Variants in SH2B3 observed in about 807,000 individuals in gnomAD.
SH2B3 encodes the protein SH2B adapter protein 3.
In SH2B3, 43 loss-of-function variants were observed where a neutral mutation model predicts 51.9. That is an observed-to-expected ratio of 0.83 (90% CI 0.65 to 1.07). SH2B3 has a LOEUF of 1.07. Ranked by LOEUF, SH2B3 falls within the 50% of genes least tolerant of loss-of-function variation. The pLI is 0.00. For missense variants in SH2B3, 952 were observed against 834.3 expected (o/e 1.14, Z -1.74); for synonymous variants, 396 against 376.0 (o/e 1.05, Z -0.62).
intron 6 of SH2B3, 42 bp from the exon 7 acceptor site, chr12:111,447,614 C>T: frequency 6.2e-7 from 1 of 1,610,100 alleles, no homozygotes; most frequent in African/African-American, 1.3e-5. Flanking sequence ...AGTTCAGGGT[C>T]CTAGAGGGAC....
chr12:111,406,767 T>A lies in SH2B3; in HGVS notation c.-28+490T>A, dbSNP rs1467617040. Among the ~76,000 whole-genome samples, 1 of 151,994 alleles carries A rather than the reference T, an allele frequency of 6.6e-6. No homozygotes were observed. The highest frequency in any genetic ancestry group is 2.4e-5 in the African/African-American group (1 of 41,376). ...ATTCCGGGCCATGTGGCTAAGAGGG[T>A]AGCGCCCTGATTCAGGAAGCCCCTC... On this transcript the variant is annotated intron_variant, in intron 1 of 7. Transcript: ENST00000341259. This position sits in a 1 kb window ranked among gnomAD's most constrained non-coding sequence, Gnocchi z 5.7.
In SH2B3 at chr12:111,447,232, A is replaced by G. The variant is rs1874079694; in HGVS notation, c.1021+13A>G. ...TCCCTTAACCAAGGTGGGTAAACCA[A>G]TAGCTAGGCCATTGTCTTCTGGGTA... On this transcript the variant is annotated intron_variant, in intron 5 of 7. Coordinates refer to ENST00000341259, the MANE Select transcript of SH2B3 (RefSeq NM_005475.3). 2 of 1,605,292 alleles carry G rather than the reference A, an allele frequency of 1.2e-6. No homozygotes were observed. Among genetic ancestry groups the G allele is most frequent in the African/African-American group, 1.3e-5 (1 of 74,870 alleles).
At chr12:111,424,120 A>G (rs1156626489) in intron 2 of SH2B3, among the ~76,000 whole-genome samples, 1 of 152,226 alleles carries the variant, frequency 6.6e-6, no homozygotes, top group Non-Finnish European at 1.5e-5. Context: ...CTCAAAAAAA[A>G]TAAGTGAATA....
intron 2 of SH2B3, among the ~76,000 whole-genome samples, chr12:111,423,718 C>A (rs1341001101): frequency 6.6e-6 from 1 of 152,188 alleles, no homozygotes; most frequent in Non-Finnish European, 1.5e-5. Context: ...CGCAGTGGCT[C>A]ATGCCAGTAA....
rs1871291931 is a variant in SH2B3 at position 111,418,665 on chromosome 12, G to A, written c.520G>A (p.Ala174Thr). The A allele has an allele frequency of 3.4e-6, 5 of 1,484,860 alleles. No individual in the cohort carries two copies. Among genetic ancestry groups the A allele is most frequent in the African/African-American group, 1.5e-5 (1 of 67,800 alleles). The allele number at this position is 1,484,860 out of a possible 1,614,324, so 92.0% of individuals were successfully genotyped here. A position where few individuals can be genotyped will look rare whatever the true frequency, so the allele number is the denominator to read the frequency against. Residue 174 changes from alanine to threonine, a missense_variant, in exon 2 of 8, where the codon GCC becomes ACC. Ala to Thr is a moderately conservative substitution (Grantham distance 58). Transcript: ENST00000341259. The surrounding 1 kb of genome is among the most constrained non-coding windows in gnomAD (Gnocchi z 6.7). ...CCCCGGAGAGGCTGCTGAGACCCCC[G>A]CCCGGCCTGGCCTGGCCAAGAAGTT... ...GTPGEAAETP[A>T]RPGLAKKFLP...
At chr12:111,422,557 AGTTTT>A (rs1337601539) in intron 2 of SH2B3, among the ~76,000 whole-genome samples, 1 of 148,730 alleles carries the variant, frequency 6.7e-6, no homozygotes, top group African/African-American at 2.5e-5. Flanking sequence ...CATGAAAAGC[AGTTTT>A]GTTTTTTTTT....
Position 111,447,396 on chromosome 12 carries a change from C to G in SH2B3, c.1088C>G (p.Pro363Arg). 6.2e-7 allele frequency: 1 copy of G among 1,614,156 alleles called. No homozygotes were observed. The highest frequency in any genetic ancestry group is 8.5e-7 in the Non-Finnish European group (1 of 1,180,012). ...QKTDHFLSCYPWFHGPISRVK... is the reference protein window; with the variant it reads ...QKTDHFLSCYRWFHGPISRVK... ...ACGGACCATTTCCTGTCCTGCTACC[C>G]CTGGTTCCACGGCCCCATCTCCAGA... is the stretch of plus-strand genomic sequence containing the variant. The change falls in exon 6 of 8, where the codon CCC becomes CGC. Residue 363 changes from proline to arginine, a missense_variant. Physicochemically the swap from Pro to Arg is moderately radical, Grantham distance 103 (BLOSUM62 -2). Coordinates refer to ENST00000341259, the MANE Select transcript of SH2B3 (RefSeq NM_005475.3).
intron 2 of SH2B3, among the ~76,000 whole-genome samples, chr12:111,434,284 G>GA (rs1269676440): frequency 6.6e-6 from 1 of 152,082 alleles, no homozygotes; most frequent in Non-Finnish European, 1.5e-5. Flanking sequence ...TATCACCCTA[G>GA]AAAAAAACCT....
At position 111,447,563 on chromosome 12, in the gene SH2B3, TGG is replaced by T; in HGVS notation, c.1236+22_1236+23del. The T allele has an allele frequency of 5.4e-6, 1 of 183,960 alleles. No individual in the cohort carries two copies. Among genetic ancestry groups the T allele is most frequent in the South Asian group, 3.9e-5 (1 of 25,748 alleles). The allele number at this position is 183,960 out of a possible 1,614,324, so 11.4% of individuals were successfully genotyped here. A position where few individuals can be genotyped will look rare whatever the true frequency, so the allele number is the denominator to read the frequency against. The stretch of plus-strand genomic sequence containing the variant: ...AGCCAAGGTATGGGGTGGGGTGGGG[TGG>T]GGTGGGGCAGGCAGGACCGTGCCAC... On this transcript the variant is annotated intron_variant, in intron 6 of 7. Transcript: ENST00000341259.
intron 1 of SH2B3, among the ~76,000 whole-genome samples, chr12:111,416,238 G>A (rs943107158): frequency 6.6e-6 from 1 of 152,066 alleles, no homozygotes; most frequent in Non-Finnish European, 1.5e-5. Flanking sequence ...CACCGTGCCC[G>A]GCCCTATGTT....
chr12:111,422,534 T>C (rs1871637823), intron 2 of SH2B3, among the ~76,000 whole-genome samples: 1 of 152,022 alleles, frequency 6.6e-6, no homozygotes, highest in Non-Finnish European at 1.5e-5. Context: ...CCTACCTTTA[T>C]GGCCTGGCTT....
intron 2 of SH2B3, among the ~76,000 whole-genome samples, chr12:111,441,682 CAA>C (rs1244649707): frequency 1.3e-5 from 2 of 152,162 alleles, no homozygotes; most frequent in African/African-American, 4.8e-5. Context: ...TGAAATAGGT[CAA>C]AGTCTGGGTA....
rs754159273 is a variant in SH2B3 at position 111,448,587 on chromosome 12, C to G, written c.*285C>G. ...GTCCCTATGCCCAGTCCCCGTTACT[C>G]TTAGAGAAAGGAGTTGGGGTGAGGG... On this transcript the variant is annotated 3_prime_UTR_variant, in exon 8 of 8. Coordinates refer to ENST00000341259, the MANE Select transcript of SH2B3 (RefSeq NM_005475.3). 2 of 382,494 alleles carry G rather than the reference C, an allele frequency of 5.2e-6. No homozygotes were observed. The highest frequency in any genetic ancestry group is 8.6e-5 in the South Asian group (2 of 23,264). 23.7% of individuals were successfully genotyped at this position (382,494 alleles called of 1,614,324 possible). A position where few individuals can be genotyped will look rare whatever the true frequency, so the allele number is the denominator to read the frequency against.
In SH2B3 at chr12:111,410,661, C is replaced by T. The variant is rs898966256; in HGVS notation, c.-28+4384C>T. Among the ~76,000 whole-genome samples the T allele has an allele frequency of 1.3e-5, 2 of 152,268 alleles. No individual in the cohort carries two copies. The highest frequency in any genetic ancestry group is 4.8e-5 in the African/African-American group (2 of 41,558). On this transcript the variant is annotated intron_variant, in intron 1 of 7. Transcript: ENST00000341259. The surrounding 1 kb of genome is among the most constrained non-coding windows in gnomAD (Gnocchi z 4.9). ...AAATGTCCCCGGGGCACAAGGTGAC[C>T]CCAGCAAGGGTGCATCAGTGTCCAG...
rs1874080479 is a variant in SH2B3, at chr12:111,447,236, C to T, written c.1021+17C>T. The stretch of plus-strand genomic sequence containing the variant: ...TTAACCAAGGTGGGTAAACCAATAG[C>T]TAGGCCATTGTCTTCTGGGTACGCT... On this transcript the variant is annotated intron_variant, in intron 5 of 7. Transcript: ENST00000341259. The T allele has an allele frequency of 6.2e-7, 1 of 1,602,032 alleles. No individual in the cohort carries two copies. Among genetic ancestry groups the T allele is most frequent in the African/African-American group, 1.3e-5 (1 of 74,818 alleles).
intron 1 of SH2B3, among the ~76,000 whole-genome samples, chr12:111,411,298 G>A (rs2135534923): frequency 6.6e-6 from 1 of 150,836 alleles, no homozygotes; most frequent in South Asian, 2.1e-4. Context: ...TGGTTGCAGT[G>A]AGCTGTGATC....
chr12:111,418,498 C>A lies in SH2B3; in HGVS notation c.353C>A (p.Ala118Asp). The change falls in exon 2 of 8, where the codon GCC (alanine) becomes GAC (aspartate). Residue 118 changes from alanine to aspartate, a missense_variant. Ala to Asp is a moderately radical substitution (Grantham distance 126). Transcript: ENST00000341259. The surrounding 1 kb of genome is among the most constrained non-coding windows in gnomAD (Gnocchi z 6.7). The stretch of plus-strand genomic sequence containing the variant: ...CCCGCCGCCCCTGGCCTGCCCAAGG[C>A]CCGCAGCTCTGAGGAGCTGGCCCCG... ...PGPAAPGLPK[A>D]RSSEELAPPR... 1 of 1,375,842 alleles carries A rather than the reference C, an allele frequency of 7.3e-7. No homozygotes were observed. The highest frequency in any genetic ancestry group is 1.5e-5 in the South Asian group (1 of 67,408). 85.2% of individuals were successfully genotyped at this position (1,375,842 alleles called of 1,614,324 possible).
chr12:111,423,616 C>T lies in SH2B3; in HGVS notation c.732+4739C>T, dbSNP rs185533872. ...CGATCTCCTGACCTCGTTATCTGCC[C>T]GCCTCAGCCTCCCAAAGTGCCGGGA... is the stretch of plus-strand genomic sequence containing the variant. On this transcript the variant is annotated intron_variant, in intron 2 of 7. Coordinates refer to ENST00000341259, the MANE Select transcript of SH2B3 (RefSeq NM_005475.3). Among the ~76,000 whole-genome samples the T allele has an allele frequency of 8.0e-4, 122 of 152,230 alleles. No individual in the cohort carries two copies. In the East Asian group the frequency reaches 0.019, roughly 24 times the overall value.
rs982817185 is a variant in SH2B3, at chr12:111,435,106, C to G, written c.733-11647C>G. On this transcript the variant is annotated intron_variant, in intron 2 of 7. Coordinates refer to ENST00000341259, the MANE Select transcript of SH2B3 (RefSeq NM_005475.3). The surrounding 1 kb of genome is among the most constrained non-coding windows in gnomAD (Gnocchi z 4.8). ...CCCCTCTCCTCTGGTGCACTCTCCC[C>G]ACCCGAGACGGGCGACAGAGGTTTT... 5.2e-6 allele frequency: 6 copies of G among 1,153,780 alleles called. No individual in the cohort carries two copies. Among genetic ancestry groups the G allele is most frequent in the Non-Finnish European group, 6.1e-6 (5 of 819,254 alleles). 71.5% of individuals were successfully genotyped at this position (1,153,780 alleles called of 1,614,324 possible). A position where few individuals can be genotyped will look rare whatever the true frequency, so the allele number is the denominator to read the frequency against.
Sources: allele counts gnomAD v4.1 joint callset (sites outside exome capture counted in the v4.1 genomes callset), GRCh38; gene constraint gnomAD v4.1.1; non-coding constraint Gnocchi (gnomAD v3.1); transcripts MANE v1.5; gene names NCBI Gene and HGNC (gene_info 2026-07-23, HGNC 2026-07-21).